CACNA2D3: variants seen among roughly 807,000 people sequenced by gnomAD.
CACNA2D3 encodes the protein voltage-dependent calcium channel subunit alpha-2/delta-3.
In CACNA2D3, 60 loss-of-function variants were observed where a neutral mutation model predicts 160.6. The ratio of observed to expected loss-of-function variants is 0.37; its 90% CI spans 0.30 to 0.46. CACNA2D3 has a LOEUF of 0.46. Ranked by LOEUF, CACNA2D3 falls within the 20% of genes least tolerant of loss-of-function variation. The pLI is 1.00. For missense variants in CACNA2D3, 1,205 were observed against 1,365.0 expected (o/e 0.88, Z 1.85); for synonymous variants, 558 against 492.9 (o/e 1.13, Z -1.75).
intron 5 of CACNA2D3, among the ~76,000 whole-genome samples, chr3:54,523,045 A>C (rs1233348284): frequency 6.6e-6 from 1 of 151,998 alleles, no homozygotes; most frequent in Non-Finnish European, 1.5e-5. Flanking sequence ...CACTTGGAGT[A>C]TGTTATTTCA....
At chr3:54,883,800 T>TCC (rs1491132924) in intron 21 of CACNA2D3, among the ~76,000 whole-genome samples, 10 of 81,842 alleles carry the variant, frequency 1.2e-4, no homozygotes, top group African/African-American at 5.6e-4. Context: ...TACAATGGAA[T>TCC]CTCTCTCTCT....
rs554976600 is a variant in CACNA2D3 at position 54,314,600 on chromosome 3, C to T, written c.205-5842C>T. Among the ~76,000 whole-genome samples, 992 of 152,278 alleles carry T rather than the reference C, an allele frequency of 6.5e-3. 5 individuals carry two copies. Among genetic ancestry groups the T allele is most frequent in the Non-Finnish European group, 0.012 (818 of 67,996 alleles). On this transcript the variant is annotated intron_variant, in intron 2 of 37. Coordinates refer to ENST00000474759, the MANE Select transcript of CACNA2D3 (RefSeq NM_018398.3). ...TTTGATTTTTTTGATTATGGCCATT[C>T]TTGCAGGAGTAAGGTGGTTTCGCAT...
At chr3:54,338,841 T>C (rs1704453634) in intron 3 of CACNA2D3, among the ~76,000 whole-genome samples, 2 of 152,168 alleles carry the variant, frequency 1.3e-5, no homozygotes, top group African/African-American at 4.8e-5. Context: ...CTGTAAAACA[T>C]GTGTCCCAAT....
chr3:54,870,053 C>A (rs775181382), intron 17 of CACNA2D3, among the ~76,000 whole-genome samples: 15 of 152,128 alleles, frequency 9.9e-5, no homozygotes, highest in South Asian at 4.2e-4. Flanking sequence ...TAGGCACCAT[C>A]CTAGGTAGTG....
At chr3:54,434,544 C>T (rs775973726) in intron 4 of CACNA2D3, among the ~76,000 whole-genome samples, 2 of 152,206 alleles carry the variant, frequency 1.3e-5, no homozygotes, top group Non-Finnish European at 1.5e-5. Context: ...TCCCCAAGGA[C>T]GATATTTCTT....
chr3:54,672,576 A>G (rs737517), intron 11 of CACNA2D3, among the ~76,000 whole-genome samples: 37,914 of 152,078 alleles, frequency 0.25, 5,063 homozygotes, highest in African/African-American at 0.29. Context: ...TGGGAATAGT[A>G]TGTGCTATTG....
rs141647545 is a variant in CACNA2D3, at chr3:54,603,886, A to G, written c.963+22009A>G. Among the ~76,000 whole-genome samples, 913 of 152,308 alleles carry G rather than the reference A, an allele frequency of 6.0e-3. 13 individuals carry two copies. The highest frequency in any genetic ancestry group is 0.021 in the African/African-American group (866 of 41,558). ...TTAGATATGCATGCTTTAAAAAAAA[A>G]AAGTTTAACTTATCTAAATGTCTTT... On this transcript the variant is annotated intron_variant, in intron 9 of 37. Coordinates refer to ENST00000474759, the MANE Select transcript of CACNA2D3 (RefSeq NM_018398.3).
At chr3:54,893,413 T>TTCA (rs398071824) in intron 25 of CACNA2D3, among the ~76,000 whole-genome samples, 1 of 151,572 alleles carries the variant, frequency 6.6e-6, no homozygotes, top group Non-Finnish European at 1.5e-5. Context: ...GGATGAAATC[T>TTCA]GTCTTCAAGA....
chr3:54,251,998 C>A (rs1702197226), intron 2 of CACNA2D3, among the ~76,000 whole-genome samples: 1 of 151,194 alleles, frequency 6.6e-6, no homozygotes, highest in African/African-American at 2.4e-5. Context: ...TTTATTCATG[C>A]AGTAATCTTT....
At chr3:54,169,924 A>G (rs1166193307) in intron 2 of CACNA2D3, among the ~76,000 whole-genome samples, 1 of 152,160 alleles carries the variant, frequency 6.6e-6, no homozygotes, top group Non-Finnish European at 1.5e-5. Context: ...GTGGTGGCTC[A>G]TGCCTGTAAT....
At chr3:54,856,936 A>G (rs986496544) in intron 17 of CACNA2D3, among the ~76,000 whole-genome samples, 2 of 152,086 alleles carry the variant, frequency 1.3e-5, no homozygotes, top group Non-Finnish European at 2.9e-5. Flanking sequence ...ACCTGCCACT[A>G]TGCTCTGATG....
intron 13 of CACNA2D3, among the ~76,000 whole-genome samples, chr3:54,810,525 C>T (rs548992104): frequency 1.3e-4 from 20 of 152,274 alleles, no homozygotes; most frequent in Non-Finnish European, 2.5e-4. Context: ...AAAATGAACA[C>T]ACAGAACCTC....
intron 2 of CACNA2D3, among the ~76,000 whole-genome samples, chr3:54,206,021 C>T (rs1406909762): frequency 2.0e-5 from 3 of 152,084 alleles, no homozygotes; most frequent in Admixed American, 6.6e-5. Context: ...GTTGCTTAAT[C>T]GATTTGGCAA....
At chr3:54,566,120 G>T (rs1169739310) in intron 6 of CACNA2D3, among the ~76,000 whole-genome samples, 2 of 152,170 alleles carry the variant, frequency 1.3e-5, no homozygotes, top group Non-Finnish European at 2.9e-5. Flanking sequence ...TGGGGGAGCT[G>T]GTCCCCAGCT....
In CACNA2D3 at chr3:54,270,110, G is replaced by A. The variant is rs535654903; in HGVS notation, c.205-50332G>A. Among the ~76,000 whole-genome samples the A allele has an allele frequency of 4.6e-5, 7 of 152,272 alleles. No homozygotes were observed. In the East Asian group the frequency reaches 9.6e-4, roughly 21 times the overall value. ...TCTTGTGATGCTTAGGCGTGAAAGC[G>A]TTTTTTAAATTCTTCTCGTGTTCAG... On this transcript the variant is annotated intron_variant, in intron 2 of 37. Coordinates refer to ENST00000474759, the MANE Select transcript of CACNA2D3 (RefSeq NM_018398.3).
chr3:54,926,715 A>T (rs1311200349), intron 27 of CACNA2D3, among the ~76,000 whole-genome samples: 1 of 152,204 alleles, frequency 6.6e-6, no homozygotes, highest in Non-Finnish European at 1.5e-5. Flanking sequence ...TGGTGAGAGC[A>T]TGCCACATTT....
intron 8 of CACNA2D3, among the ~76,000 whole-genome samples, chr3:54,570,967 G>C (rs1702486549): frequency 6.6e-6 from 1 of 152,208 alleles, no homozygotes; most frequent in Admixed American, 6.5e-5. Context: ...GCCCAAGGTA[G>C]TTGGGCACCT....
chr3:54,346,740 G>A (rs113394708), intron 3 of CACNA2D3, among the ~76,000 whole-genome samples: 11 of 152,230 alleles, frequency 7.2e-5, no homozygotes, highest in African/African-American at 2.4e-4. Flanking sequence ...GTGTTGTATA[G>A]TTCTAAGGGT....
intron 2 of CACNA2D3, among the ~76,000 whole-genome samples, chr3:54,282,774 A>G (rs1268383863): frequency 2.6e-5 from 4 of 152,228 alleles, no homozygotes; most frequent in Non-Finnish European, 5.9e-5. Context: ...ACAGGTTTCA[A>G]TGTGAGAGAA....
Sources: gnomAD v4.1 joint callset for allele counts (sites outside exome capture counted in the v4.1 genomes callset) on GRCh38, gnomAD v4.1.1 for gene constraint, MANE v1.5 for transcripts, NCBI Gene and HGNC (gene_info 2026-07-23, HGNC 2026-07-21) for gene names.